The following TRIO variants were observed in gnomAD, a reference collection of about 807,000 sequenced individuals.
The protein encoded by TRIO is trio Rho guanine nucleotide exchange factor, also known as triple functional domain protein.
A neutral mutation model predicts 351.9 loss-of-function variants in TRIO; 58 were observed. The observed-to-expected ratio is 0.16, with a 90% CI of 0.13 to 0.21. The LOEUF is 0.21. Ranked by LOEUF, TRIO falls within the 10% of genes least tolerant of loss-of-function variation. The pLI is 1.00. For synonymous variants in TRIO, 1,758 were observed against 1,595.7 expected (o/e 1.10, Z -2.42); for missense variants, 3,201 against 4,027.8 (o/e 0.79, Z 5.56).
In TRIO at chr5:14,479,240, G is replaced by T. The variant is rs779391086; in HGVS notation, c.6154-21G>T. 5 of 1,601,312 alleles carry T rather than the reference G, an allele frequency of 3.1e-6. No homozygotes were observed. In the Admixed American group the frequency reaches 8.3e-5, roughly 27 times the overall value. ...AATTTCCCATTGTTATAACCCAACT[G>T]TTTGCCTTTTTTATTCCTAGGAGAG... On this transcript the variant is annotated intron_variant, in intron 41 of 56. Coordinates refer to ENST00000344204, the MANE Select transcript of TRIO (RefSeq NM_007118.4).
chr5:14,395,484 A>G (rs1414442990), intron 28 of TRIO, among the ~76,000 whole-genome samples: 3 of 152,230 alleles, frequency 2.0e-5, no homozygotes, highest in South Asian at 2.1e-4. Context: ...TCAGGAGAAC[A>G]GTGATAAGCT....
intron 33 of TRIO, among the ~76,000 whole-genome samples, chr5:14,415,679 C>G (rs1749585247): frequency 1.3e-5 from 2 of 152,108 alleles, no homozygotes; most frequent in Admixed American, 6.5e-5. Context: ...TCGGGTGAAA[C>G]ACAGTAAGTT....
At chr5:14,472,791 A>T in intron 39 of TRIO, 133 bp downstream of exon 39, 1 of 951,722 alleles carries the variant, frequency 1.1e-6, no homozygotes. Flanking sequence ...GTGACCAACG[A>T]TGTATTTCCG....
Position 14,460,926 on chromosome 5 carries a change from C to T in TRIO, c.5204-93C>T, listed in dbSNP as rs557480209. On this transcript the variant is annotated intron_variant, in intron 34 of 56. Transcript: ENST00000344204. The stretch of plus-strand genomic sequence containing the variant: ...CCCGCTGACGAGGCATCCAGGCCCA[C>T]TGGCTTCCCTGCAGCCTGCGGGATA... 4.7e-5 allele frequency: 66 copies of T among 1,416,018 alleles called. No homozygotes were observed. The South Asian group carries it at 9.3e-4, about 20-fold the overall frequency. 87.7% of individuals were successfully genotyped at this position (1,416,018 alleles called of 1,614,324 possible).
At chr5:14,238,313 A>T (rs985331917) in intron 1 of TRIO, among the ~76,000 whole-genome samples, 1 of 152,220 alleles carries the variant, frequency 6.6e-6, no homozygotes, top group Non-Finnish European at 1.5e-5. Flanking sequence ...GCTGATTTGA[A>T]TGTGGTCATT....
In TRIO at chr5:14,388,720, G is replaced by A. The variant is rs1442106136; in HGVS notation, c.3948+41G>A. On this transcript the variant is annotated intron_variant, in intron 24 of 56. Coordinates refer to ENST00000344204, the MANE Select transcript of TRIO (RefSeq NM_007118.4). ...TTTTTTTTTTTTGCTTGTTTATTTA[G>A]ATTGAGCATAAGCTTGCTATTTTAT... The A allele has an allele frequency of 4.0e-6, 6 of 1,509,808 alleles. No individual in the cohort carries two copies. The East Asian group carries it at 1.2e-4, about 30-fold the overall frequency. The allele number at this position is 1,509,808 out of a possible 1,614,324, so 93.5% of individuals were successfully genotyped here.
chr5:14,189,862 A>G (rs1406353257), intron 1 of TRIO, among the ~76,000 whole-genome samples: 1 of 151,684 alleles, frequency 6.6e-6, no homozygotes, highest in African/African-American at 2.4e-5. Context: ...AGCTGGAACT[A>G]TAGGCGCATC....
intron 48 of TRIO, chr5:14,488,886 GCTGGGGCCGGTCC>G (rs1435029131): frequency 4.0e-6 from 3 of 743,244 alleles, no homozygotes; most frequent in African/African-American, 3.4e-5. Context: ...TGCAGTGCAG[GCTGGGGCCGGTCC>G]CTGCGGCCTG....
chr5:14,454,938 G>T (rs893425391), intron 34 of TRIO, among the ~76,000 whole-genome samples: 1 of 152,082 alleles, frequency 6.6e-6, no homozygotes, highest in Non-Finnish European at 1.5e-5. Context: ...TGAAGCTGCA[G>T]ACCTTCGCGG....
At chr5:14,276,596 G>C (rs1056751239) in intron 2 of TRIO, among the ~76,000 whole-genome samples, 1 of 152,244 alleles carries the variant, frequency 6.6e-6, no homozygotes, top group Admixed American at 6.5e-5. Context: ...GTGTGAGTTA[G>C]ACTGTTCCTT....
chr5:14,254,788 A>G (rs1794938196), intron 1 of TRIO, among the ~76,000 whole-genome samples: 1 of 152,166 alleles, frequency 6.6e-6, no homozygotes, highest in African/African-American at 2.4e-5. Flanking sequence ...TTAAATTGAG[A>G]AACAGCAGTC....
chr5:14,431,161 G>T (rs1008716149), intron 34 of TRIO, among the ~76,000 whole-genome samples: 1 of 152,202 alleles, frequency 6.6e-6, no homozygotes, highest in Non-Finnish European at 1.5e-5. Flanking sequence ...CCTCTCCCAG[G>T]AGAACATCCT....
chr5:14,468,931 C>T (rs897297841), intron 37 of TRIO, among the ~76,000 whole-genome samples: 1 of 152,144 alleles, frequency 6.6e-6, no homozygotes, highest in African/African-American at 2.4e-5. Context: ...TGGATTCATT[C>T]GTCTGGCTTA....
At chr5:14,502,465 G>C in intron 53 of TRIO, 114 bp from the exon 54 acceptor site, 1 of 898,922 alleles carries the variant, frequency 1.1e-6, no homozygotes, top group East Asian at 2.5e-5. Context: ...GAGCCGTGTG[G>C]CAGGTGCCCG....
intron 48 of TRIO, chr5:14,488,911 T>C (rs764102087): frequency 4.0e-6 from 3 of 758,846 alleles, no homozygotes; most frequent in Non-Finnish European, 4.8e-6. Context: ...TGCGGCCTGC[T>C]GGGCTCTGGC....
intron 33 of TRIO, among the ~76,000 whole-genome samples, chr5:14,408,370 A>C (rs1291897758): frequency 6.6e-6 from 1 of 152,186 alleles, no homozygotes; most frequent in African/African-American, 2.4e-5. Context: ...TAAATAATAG[A>C]TCCTAGGACT....
chr5:14,153,937 C>T (rs1407145666), intron 1 of TRIO, among the ~76,000 whole-genome samples: 1 of 152,202 alleles, frequency 6.6e-6, no homozygotes, highest in Admixed American at 6.5e-5. Context: ...AGATTCCAGG[C>T]TATAGCAAGT....
chr5:14,498,651 T>C lies in TRIO; in HGVS notation c.8332+11T>C, dbSNP rs1304043732. 3.7e-6 allele frequency: 6 copies of C among 1,610,822 alleles called. No individual in the cohort carries two copies. Among genetic ancestry groups the C allele is most frequent in the Non-Finnish European group, 5.1e-6 (6 of 1,177,154 alleles). On this transcript the variant is annotated intron_variant, in intron 53 of 56. Coordinates refer to ENST00000344204, the MANE Select transcript of TRIO (RefSeq NM_007118.4). ...GCCTGAGGGTCCTAGGTAAGCACCG[T>C]GCAACGAGGATTCTACGTGACCCAG...
chr5:14,276,004 G>GTA (rs1035870416), intron 2 of TRIO, among the ~76,000 whole-genome samples: 73 of 146,810 alleles, frequency 5.0e-4, no homozygotes, highest in African/African-American at 1.7e-3. Context: ...ACACATATGT[G>GTA]TATATATATA....
Sources: gnomAD v4.1 joint callset for allele counts (sites outside exome capture counted in the v4.1 genomes callset) on GRCh38, gnomAD v4.1.1 for gene constraint, MANE v1.5 for transcripts, NCBI Gene and HGNC (gene_info 2026-07-23, HGNC 2026-07-21) for gene names.